Variants in TIA1 observed in about 807,000 individuals in gnomAD.
TIA1 encodes the protein TIA1 cytotoxic granule associated RNA binding protein, also known as cytotoxic granule associated RNA binding protein TIA1.
A neutral mutation model predicts 65.9 loss-of-function variants in TIA1; 23 were observed. That is an observed-to-expected ratio of 0.35 (90% CI 0.25 to 0.49). TIA1 has a LOEUF of 0.49. Among genes scored for constraint, TIA1 ranks in the 20% least tolerant of loss-of-function variants. TIA1 has a pLI of 0.98. For missense variants in TIA1, 371 were observed against 477.9 expected (o/e 0.78, Z 2.09); for synonymous variants, 147 against 149.4 (o/e 0.98, Z 0.12).
chr2:70,214,632 TAAA>T lies in TIA1; in HGVS notation c.889-141_889-139del, dbSNP rs758601002. On this transcript the variant is annotated intron_variant, in intron 11 of 12. Transcript: ENST00000433529. ...GACAGGATAAACAAGAGTTGACTGC[TAAA>T]AAAAAAAAAAAAAAAAAAAAAAACA... 169 of 311,792 alleles carry T rather than the reference TAAA, an allele frequency of 5.4e-4. 2 individuals are homozygous for T. Among genetic ancestry groups the T allele is most frequent in the Admixed American group, 2.0e-3 (22 of 10,992 alleles). 19.3% of individuals were successfully genotyped at this position (311,792 alleles called of 1,614,324 possible).
At chr2:70,215,273 T>C (rs1678087528) in intron 11 of TIA1, 98 bp downstream of exon 11, 1 of 1,504,734 alleles carries the variant, frequency 6.6e-7, no homozygotes, top group Non-Finnish European at 9.1e-7. Context: ...TACTATCATT[T>C]TAGCTAGAAA....
intron 1 of TIA1, among the ~76,000 whole-genome samples, chr2:70,238,812 A>G (rs1303501451): frequency 5.3e-5 from 8 of 152,180 alleles, no homozygotes; most frequent in African/African-American, 1.9e-4. Context: ...GCACTTTTGG[A>G]GGCCAAGGTG....
chr2:70,240,489 C>T lies in TIA1; in HGVS notation c.27-4314G>A, dbSNP rs148058139. On this transcript the variant is annotated intron_variant, in intron 1 of 12. Coordinates refer to ENST00000433529, the MANE Select transcript of TIA1 (RefSeq NM_022173.4). ...CCCGCAGCCCCAGCTACTTGAGAGGCTGAGGTGGGTGGATCCCTTGAACCC... is the reference window on the plus strand; with the variant it reads ...CCCGCAGCCCCAGCTACTTGAGAGGTTGAGGTGGGTGGATCCCTTGAACCC... Among the ~76,000 whole-genome samples, 251 of 152,334 alleles carry T rather than the reference C, an allele frequency of 1.6e-3. 3 individuals carry two copies. The East Asian group carries it at 0.044, about 27-fold the overall frequency.
intron 5 of TIA1, among the ~76,000 whole-genome samples, chr2:70,228,166 ATAAT>A (rs1175527923): frequency 6.6e-6 from 1 of 152,220 alleles, no homozygotes; most frequent in Admixed American, 6.5e-5. Context: ...CATTCTAATA[ATAAT>A]TATTTACTTT....
chr2:70,247,077 G>A (rs140820206), intron 1 of TIA1, among the ~76,000 whole-genome samples: 41 of 152,290 alleles, frequency 2.7e-4, no homozygotes, highest in African/African-American at 8.4e-4. Context: ...CAAGAGGGAA[G>A]AGATTCCACC....
At chr2:70,244,049 C>T (rs1693091261) in intron 1 of TIA1, among the ~76,000 whole-genome samples, 1 of 152,176 alleles carries the variant, frequency 6.6e-6, no homozygotes, top group Admixed American at 6.5e-5. Flanking sequence ...TTCTATCTCC[C>T]CTAACATTCC....
chr2:70,226,840 A>C (rs1384372074), intron 6 of TIA1, among the ~76,000 whole-genome samples: 1 of 152,132 alleles, frequency 6.6e-6, no homozygotes, highest in South Asian at 2.1e-4. Flanking sequence ...ACCACCTTTA[A>C]AGTTGGTAAT....
At chr2:70,229,016 C>A in intron 5 of TIA1, 43 bp downstream of exon 5, 1 of 1,483,500 alleles carries the variant, frequency 6.7e-7, no homozygotes, top group South Asian at 1.1e-5. Flanking sequence ...TAGTGAATAC[C>A]CTTTCAAGAG....
In TIA1 at chr2:70,216,504, T is replaced by G. The variant is rs2103942498; in HGVS notation, c.584-5A>C. The G allele has an allele frequency of 6.2e-7, 1 of 1,611,262 alleles. No individual in the cohort carries two copies. Among genetic ancestry groups the G allele is most frequent in the Admixed American group, 1.7e-5 (1 of 59,576 alleles). On this transcript the variant is annotated splice_region_variant and splice_polypyrimidine_tract_variant and intron_variant, in intron 8 of 12. Coordinates refer to ENST00000433529, the MANE Select transcript of TIA1 (RefSeq NM_022173.4). ...ATGATAGCTGTTTGGTATTTGCTGG[T>G]GAGAGAAAAGGTTTATGTCTTTAAT...
At chr2:70,230,036 G>A (rs530207179) in intron 3 of TIA1, among the ~76,000 whole-genome samples, 2 of 151,370 alleles carry the variant, frequency 1.3e-5, no homozygotes, top group Non-Finnish European at 2.9e-5. Flanking sequence ...GAGGTCAGGC[G>A]ACTGAGACCA....
chr2:70,241,996 C>T (rs553264657), intron 1 of TIA1, among the ~76,000 whole-genome samples: 1 of 151,804 alleles, frequency 6.6e-6, no homozygotes, highest in Non-Finnish European at 1.5e-5. Context: ...GTGGTATTTT[C>T]CTGAATTGGA....
intron 1 of TIA1, among the ~76,000 whole-genome samples, chr2:70,240,811 G>A (rs1020509499): frequency 7.9e-5 from 12 of 152,142 alleles, no homozygotes; most frequent in African/African-American, 2.9e-4. Flanking sequence ...GGTGGACATT[G>A]CAGTGAGCTC....
At chr2:70,215,249 G>T in intron 11 of TIA1, 122 bp downstream of exon 11, 1 of 1,255,014 alleles carries the variant, frequency 8.0e-7, no homozygotes, top group Non-Finnish European at 1.1e-6. Context: ...ATACATGTAG[G>T]AAGAGCCCTT....
At chr2:70,225,150 T>C (rs571041389) in intron 6 of TIA1, 10 of 1,025,828 alleles carry the variant, frequency 9.7e-6, no homozygotes, top group Admixed American at 5.6e-5. Context: ...TTTTGAGAAC[T>C]TGACATTTTC....
At chr2:70,245,832 G>C (rs1694036851) in intron 1 of TIA1, among the ~76,000 whole-genome samples, 1 of 151,946 alleles carries the variant, frequency 6.6e-6, no homozygotes. Context: ...AGCCATTTAG[G>C]TATGTGGGTG....
intron 7 of TIA1, among the ~76,000 whole-genome samples, chr2:70,222,399 T>C (rs934877512): frequency 6.6e-6 from 1 of 152,306 alleles, no homozygotes; most frequent in African/African-American, 2.4e-5. Flanking sequence ...CAAAACCACC[T>C]GAACTCAGTT....
chr2:70,224,256 G>C (rs1376199421), intron 7 of TIA1, among the ~76,000 whole-genome samples: 1 of 152,152 alleles, frequency 6.6e-6, no homozygotes, highest in Non-Finnish European at 1.5e-5. Context: ...AAACTACCAT[G>C]GGAATATAAA....
At chr2:70,225,992 C>T (rs1313105320) in intron 6 of TIA1, among the ~76,000 whole-genome samples, 1 of 152,122 alleles carries the variant, frequency 6.6e-6, no homozygotes, top group East Asian at 1.9e-4. Flanking sequence ...ATACAGTTAT[C>T]AACTTATCTC....
At chr2:70,244,465 C>A (rs1421263487) in intron 1 of TIA1, among the ~76,000 whole-genome samples, 4 of 152,162 alleles carry the variant, frequency 2.6e-5, no homozygotes, top group Admixed American at 2.0e-4. Flanking sequence ...ATGTTTCTAG[C>A]ATATTCTTAA....
Sources: gnomAD v4.1 joint callset for allele counts (sites outside exome capture counted in the v4.1 genomes callset) on GRCh38, gnomAD v4.1.1 for gene constraint, MANE v1.5 for transcripts, NCBI Gene and HGNC (gene_info 2026-07-23, HGNC 2026-07-21) for gene names.